AFG1L: variants seen among roughly 807,000 people sequenced by gnomAD.
AFG1L encodes the protein AFG1 like ATPase, also known as AFG1-like ATPase.
Under a neutral mutation model 62.2 loss-of-function variants are expected in AFG1L, and 53 were observed. The ratio of observed to expected loss-of-function variants is 0.85; its 90% confidence interval spans 0.68 to 1.07. The LOEUF is 1.07. AFG1L is among the 50% of genes least tolerant of loss of function. The pLI is 0.00. For missense variants in AFG1L, 555 were observed against 590.5 expected (o/e 0.94, Z 0.62); for synonymous variants, 228 against 210.3 (o/e 1.08, Z -0.73).
chr6:108,500,211 T>TGTGTAC lies in AFG1L; in HGVS notation c.1063-10001_1063-10000insGTGTAC, dbSNP rs1554204021. Among the ~76,000 whole-genome samples the TGTGTAC allele has an allele frequency of 1.7e-4, 25 of 150,334 alleles. No homozygotes were observed. In the South Asian group the frequency reaches 4.6e-3, roughly 28 times the overall value. On this transcript the variant is annotated intron_variant, in intron 10 of 12. Coordinates refer to ENST00000368977, the MANE Select transcript of AFG1L (RefSeq NM_145315.5). ...GTGTGTGTGTGTGTGTGTGTGTGTGTACATATACGTATACCTGATCTCAGG... is the reference window on the plus strand; with the variant it reads ...GTGTGTGTGTGTGTGTGTGTGTGTGTGTGTACACATATACGTATACCTGATCTCAGG...
At chr6:108,406,730 G>A (rs1343950944) in intron 7 of AFG1L, among the ~76,000 whole-genome samples, 2 of 152,276 alleles carry the variant, frequency 1.3e-5, no homozygotes, top group South Asian at 2.1e-4. Context: ...GAGCCACTGT[G>A]CCTGGCCTTA....
intron 2 of AFG1L, among the ~76,000 whole-genome samples, chr6:108,332,171 T>C (rs185415326): frequency 6.6e-6 from 1 of 152,350 alleles, no homozygotes; most frequent in African/African-American, 2.4e-5. Flanking sequence ...ATTTAGCCCA[T>C]GGCCATAATT....
At chr6:108,310,054 C>G (rs1777344538) in intron 1 of AFG1L, among the ~76,000 whole-genome samples, 1 of 152,182 alleles carries the variant, frequency 6.6e-6, no homozygotes, top group Admixed American at 6.5e-5. Context: ...TGGGGCTATT[C>G]AGAGATCGGT....
At chr6:108,462,777 GTATA>G (rs1257770486) in intron 8 of AFG1L, among the ~76,000 whole-genome samples, 2 of 152,034 alleles carry the variant, frequency 1.3e-5, no homozygotes, top group Admixed American at 1.3e-4. Flanking sequence ...TAATAATTGT[GTATA>G]TATATAATGT....
chr6:108,383,302 A>G (rs1470430291), intron 6 of AFG1L, among the ~76,000 whole-genome samples: 1 of 152,206 alleles, frequency 6.6e-6, no homozygotes, highest in Non-Finnish European at 1.5e-5. Flanking sequence ...ATGATCTACT[A>G]GAGCAAAGAG....
chr6:108,466,740 T>G (rs1309723278), intron 8 of AFG1L, among the ~76,000 whole-genome samples: 2 of 144,946 alleles, frequency 1.4e-5, no homozygotes, highest in Non-Finnish European at 3.0e-5. Context: ...TATATATATT[T>G]TTTAAAATAT....
chr6:108,371,731 GT>G (rs1780016321), intron 6 of AFG1L, among the ~76,000 whole-genome samples: 1 of 151,952 alleles, frequency 6.6e-6, no homozygotes, highest in African/African-American at 2.4e-5. Context: ...CTTTCTGGCA[GT>G]CTCAAAATGT....
chr6:108,364,297 T>C (rs559758775), intron 5 of AFG1L, among the ~76,000 whole-genome samples: 2 of 152,366 alleles, frequency 1.3e-5, no homozygotes, highest in South Asian at 2.1e-4. Context: ...ACTCCTGCTT[T>C]ATTAATTAGT....
At chr6:108,373,787 A>G (rs532424451) in intron 6 of AFG1L, among the ~76,000 whole-genome samples, 132 of 152,190 alleles carry the variant, frequency 8.7e-4, no homozygotes, top group African/African-American at 3.1e-3. Context: ...CATATTGGCC[A>G]GACTGGTCTC....
At chr6:108,411,203 A>C (rs1782093541) in intron 7 of AFG1L, among the ~76,000 whole-genome samples, 2 of 152,130 alleles carry the variant, frequency 1.3e-5, no homozygotes, top group South Asian at 4.1e-4. Flanking sequence ...GGTGGCAGCG[A>C]GGCTGGGGGA....
intron 1 of AFG1L, among the ~76,000 whole-genome samples, chr6:108,306,188 G>A (rs1777191454): frequency 6.6e-6 from 1 of 152,188 alleles, no homozygotes; most frequent in South Asian, 2.1e-4. Context: ...ACAGATGTGA[G>A]CCACTGTGCC....
At chr6:108,502,424 C>T (rs1326054084) in intron 10 of AFG1L, among the ~76,000 whole-genome samples, 1 of 151,984 alleles carries the variant, frequency 6.6e-6, no homozygotes, top group Non-Finnish European at 1.5e-5. Flanking sequence ...AGGCTGGTCT[C>T]GAACTCCCTG....
chr6:108,380,878 A>G (rs917941186), intron 6 of AFG1L, among the ~76,000 whole-genome samples: 49 of 152,100 alleles, frequency 3.2e-4, no homozygotes, highest in Admixed American at 2.6e-4. Flanking sequence ...TTCCTTTCTC[A>G]CATACTGGGG....
intron 10 of AFG1L, among the ~76,000 whole-genome samples, chr6:108,482,239 A>G (rs2114828085): frequency 6.6e-6 from 1 of 152,350 alleles, no homozygotes; most frequent in African/African-American, 2.4e-5. Flanking sequence ...AGATCTACTT[A>G]AAGTGCAGGA....
At chr6:108,389,282 G>A (rs1283153371) in intron 6 of AFG1L, among the ~76,000 whole-genome samples, 6 of 152,000 alleles carry the variant, frequency 3.9e-5, no homozygotes, top group African/African-American at 9.7e-5. Flanking sequence ...TCTGCACGTG[G>A]GATGGGTTTC....
Position 108,500,504 on chromosome 6 carries a change from T to TAC in AFG1L, c.1063-9694_1063-9693dup, listed in dbSNP as rs776095667. The stretch of plus-strand genomic sequence containing the variant: ...ATACTGATATATATACATATATATT[T>TAC]ACACACACACACACATACATTTTCT... On this transcript the variant is annotated intron_variant, in intron 10 of 12. Coordinates refer to ENST00000368977, the MANE Select transcript of AFG1L (RefSeq NM_145315.5). Among the ~76,000 whole-genome samples, 195 of 151,878 alleles carry TAC rather than the reference T, an allele frequency of 1.3e-3. 2 individuals carry two copies. The highest frequency in any genetic ancestry group is 3.5e-3 in the African/African-American group (146 of 41,440).
intron 10 of AFG1L, among the ~76,000 whole-genome samples, chr6:108,493,718 A>G (rs1773854887): frequency 6.6e-6 from 1 of 152,132 alleles, no homozygotes; most frequent in Non-Finnish European, 1.5e-5. Flanking sequence ...AATTTTTACC[A>G]TGTCGTGGAT....
chr6:108,433,452 G>A (rs1178447574), intron 7 of AFG1L, among the ~76,000 whole-genome samples: 2 of 151,238 alleles, frequency 1.3e-5, no homozygotes, highest in African/African-American at 2.4e-5. Flanking sequence ...GCTAATTTTT[G>A]TATTTTTTTT....
intron 10 of AFG1L, among the ~76,000 whole-genome samples, chr6:108,496,059 T>G (rs1179686224): frequency 2.0e-5 from 3 of 152,238 alleles, no homozygotes; most frequent in Admixed American, 6.5e-5. Context: ...ATCATATGCT[T>G]TAATTATTCA....
Sources: allele counts gnomAD v4.1 joint callset (sites outside exome capture counted in the v4.1 genomes callset), GRCh38; gene constraint gnomAD v4.1.1; transcripts MANE v1.5; gene names NCBI Gene and HGNC (gene_info 2026-07-23, HGNC 2026-07-21).